The following INTS3 variants were observed in gnomAD, a reference collection of about 807,000 sequenced individuals.
The protein encoded by INTS3 is integrator complex subunit 3.
A neutral mutation model predicts 146.3 loss-of-function variants in INTS3; 34 were observed. The observed-to-expected ratio is 0.23, with a 90% CI of 0.18 to 0.31. INTS3 has a LOEUF of 0.31. INTS3 is among the 10% of genes least tolerant of loss of function. The pLI is 1.00. For missense variants in INTS3, 757 were observed against 1,304.2 expected (o/e 0.58, Z 6.46); for synonymous variants, 475 against 494.9 (o/e 0.96, Z 0.53).
At chr1:153,734,737 T>A (rs1283670913) in intron 1 of INTS3, among the ~76,000 whole-genome samples, 1 of 152,080 alleles carries the variant, frequency 6.6e-6, no homozygotes. Context: ...TTCAGGCCCC[T>A]CCCTCTCCCC....
chr1:153,763,138 T>C, intron 15 of INTS3, 95 bp from the exon 16 acceptor site: 2 of 1,492,786 alleles, frequency 1.3e-6, no homozygotes, highest in Non-Finnish European at 1.9e-6. Context: ...GGTGCACACT[T>C]AGGGCATGTG....
At chr1:153,736,479 C>T (rs1259771724) in intron 1 of INTS3, among the ~76,000 whole-genome samples, 1 of 149,884 alleles carries the variant, frequency 6.7e-6, no homozygotes, top group East Asian at 2.0e-4. Context: ...TGGAGTCTTG[C>T]TCTGTCACCC....
chr1:153,761,845 C>T (rs1163586674), intron 14 of INTS3, among the ~76,000 whole-genome samples, 169 bp downstream of exon 14: 1 of 152,186 alleles, frequency 6.6e-6, no homozygotes, highest in African/African-American at 2.4e-5. Flanking sequence ...TTTGTGTTGT[C>T]TGTCTTGATT....
chr1:153,773,043 C>T lies in INTS3; in HGVS notation c.3013C>T (p.Pro1005Ser), dbSNP rs1256010367. 1.9e-6 allele frequency: 3 copies of T among 1,614,180 alleles called. No individual in the cohort carries two copies. Among genetic ancestry groups the T allele is most frequent in the Non-Finnish European group, 2.5e-6 (3 of 1,180,034 alleles). The change falls in exon 29 of 30, where the codon CCC becomes TCC. Residue 1005 changes from proline (P) to serine (S), a missense_variant. Coordinates refer to ENST00000318967, the MANE Select transcript of INTS3 (RefSeq NM_023015.5). ...PRSRKNATQP[P>S]NAEEESGSSS... The stretch of plus-strand genomic sequence containing the variant: ...AAGTCGAAAGAATGCCACACAGCCC[C>T]CCAATGCCGAAGAAGAGTCGGGCTC...
Position 153,772,228 on chromosome 1 carries a change from C to T in INTS3, c.2721-112C>T. On this transcript the variant is annotated intron_variant, in intron 26 of 29. Coordinates refer to ENST00000318967, the MANE Select transcript of INTS3 (RefSeq NM_023015.5). The surrounding 1 kb of genome is among the most constrained non-coding windows in gnomAD (Gnocchi z 4.6). Reference sequence around the variant, plus strand: ...CCCCAGCCCTCCCAGGCTGCCTATCCTGTTCCCCATGTAGGCTGCCTCTGT... The same window carrying T: ...CCCCAGCCCTCCCAGGCTGCCTATCTTGTTCCCCATGTAGGCTGCCTCTGT... 7.9e-7 allele frequency: 1 copy of T among 1,263,674 alleles called. No homozygotes were observed. The allele number at this position is 1,263,674 out of a possible 1,614,324, so 78.3% of individuals were successfully genotyped here.
chr1:153,747,766 C>T (rs532841134), intron 5 of INTS3: 42 of 224,428 alleles, frequency 1.9e-4, no homozygotes, highest in Non-Finnish European at 2.8e-4. Flanking sequence ...ATTATCTGAA[C>T]GCTTGCTCCC....
chr1:153,763,481 G>C (rs1375296250), intron 16 of INTS3, 119 bp downstream of exon 16: 2 of 1,102,388 alleles, frequency 1.8e-6, no homozygotes, highest in Non-Finnish European at 2.7e-6. Context: ...TGTGTGGAGA[G>C]GTAGCTGAAG....
At position 153,740,726 on chromosome 1, in the gene INTS3, A is replaced by G; in HGVS notation, c.226A>G (p.Asn76Asp). 1 of 1,611,624 alleles carries G rather than the reference A, an allele frequency of 6.2e-7. No individual in the cohort carries two copies. The highest frequency in any genetic ancestry group is 8.5e-7 in the Non-Finnish European group (1 of 1,177,732). Residue 76 changes from asparagine (N) to aspartate (D), a missense_variant, in exon 2 of 30, where the codon AAT becomes GAT. Asn to Asp is a conservative substitution (Grantham distance 23, BLOSUM62 1). Transcript: ENST00000318967. ...VSEREANDAL[N>D]AYVCKGLPQH... ...GGAGAGAGAAGCCAATGATGCCCTC[A>G]ATGCGTATGTAAGTAGAATGCTGTC...
At chr1:153,770,573 A>C in intron 24 of INTS3, 112 bp from the exon 25 acceptor site, 3 of 919,884 alleles carry the variant, frequency 3.3e-6, no homozygotes, top group Non-Finnish European at 5.2e-6. Flanking sequence ...CTGGCTCCTC[A>C]TCAAAGACTG....
chr1:153,760,255 A>G (rs1432565068), intron 11 of INTS3, 56 bp from the exon 12 acceptor site: 9 of 1,079,952 alleles, frequency 8.3e-6, no homozygotes, highest in Admixed American at 7.1e-5. Context: ...AAAAAAAAAA[A>G]AAAGAGAGAG....
In INTS3 at chr1:153,767,749, C is replaced by T; in HGVS notation, c.2166C>T (p.Cys722=). The T allele has an allele frequency of 6.2e-7, 1 of 1,613,394 alleles. No homozygotes were observed. Among genetic ancestry groups the T allele is most frequent in the South Asian group, 1.1e-5 (1 of 91,050 alleles). Residue 722 remains cysteine, a synonymous_variant, in exon 21 of 30, where the codon TGC becomes TGT. Coordinates refer to ENST00000318967, the MANE Select transcript of INTS3 (RefSeq NM_023015.5). ...QATQLGDLHT[C]LMMDMKACQE... ...CCCAGCTGGGCGATCTGCACACCTGCCTGATGATGGACATGAAGGCCTGCC... is the reference window on the plus strand; with the variant it reads ...CCCAGCTGGGCGATCTGCACACCTGTCTGATGATGGACATGAAGGCCTGCC...
At chr1:153,728,837 T>C in intron 1 of INTS3, 53 bp downstream of exon 1, 1 of 391,884 alleles carries the variant, frequency 2.6e-6, no homozygotes, top group Non-Finnish European at 3.7e-6. Flanking sequence ...GGAGGGATAC[T>C]GGAGCGGATA....
intron 1 of INTS3, among the ~76,000 whole-genome samples, chr1:153,735,489 G>C (rs1671251525): frequency 6.6e-6 from 1 of 152,186 alleles, no homozygotes; most frequent in African/African-American, 2.4e-5. Context: ...GCTAGCTGCT[G>C]TTTGATTTTG....
rs372522734 is a variant in INTS3, at chr1:153,768,901, T to C, written c.2253T>C (p.Asp751=). 63 of 1,613,800 alleles carry C rather than the reference T, an allele frequency of 3.9e-5. No homozygotes were observed. The highest frequency in any genetic ancestry group is 5.3e-5 in the Non-Finnish European group (63 of 1,179,760). ...LTPSIYTEFP[D]ETLRSGELLN... is the part of the protein sequence containing the mutation. ...TCTCTTTTTCCATTTAGTTTCCAGA[T>C]GAAACCTTGAGGAGCGGAGAGCTGC... The change falls in exon 22 of 30, where the codon GAT becomes GAC. Residue 751 remains aspartate (D), a synonymous_variant. Coordinates refer to ENST00000318967, the MANE Select transcript of INTS3 (RefSeq NM_023015.5).
At chr1:153,745,501 T>C (rs773378721) in intron 3 of INTS3, among the ~76,000 whole-genome samples, 1 of 152,102 alleles carries the variant, frequency 6.6e-6, no homozygotes, top group Non-Finnish European at 1.5e-5. Context: ...CCATCCTTGC[T>C]ACTGGTCTTC....
Position 153,750,625 on chromosome 1 carries a change from G to T in INTS3, c.585-470G>T, listed in dbSNP as rs531379681. ...TCCAGGTCCTGAAAGGGTCTTGGCA[G>T]TCCCCACATGTTCTTGCACCACACT... On this transcript the variant is annotated intron_variant, in intron 6 of 29. Transcript: ENST00000318967. Among the ~76,000 whole-genome samples the T allele has an allele frequency of 2.0e-5, 3 of 152,286 alleles. No individual in the cohort carries two copies. In the South Asian group the frequency reaches 6.2e-4, roughly 32 times the overall value.
intron 1 of INTS3, among the ~76,000 whole-genome samples, chr1:153,729,214 T>G (rs905127687): frequency 4.6e-5 from 7 of 152,332 alleles, no homozygotes; most frequent in East Asian, 1.9e-4. Context: ...ACCCTCCTGT[T>G]AGATGCTATC....
Position 153,773,417 on chromosome 1 carries a change from G to T in INTS3, c.*147G>T. ...GGTGGAAGGAGGAGCTTTCTCCTCT[G>T]GCTGAGTTTGAGAAGCTGCCATGCA... On this transcript the variant is annotated 3_prime_UTR_variant, in exon 30 of 30. Coordinates refer to ENST00000318967, the MANE Select transcript of INTS3 (RefSeq NM_023015.5). The T allele has an allele frequency of 1.3e-6, 1 of 757,034 alleles. No individual in the cohort carries two copies. The highest frequency in any genetic ancestry group is 1.6e-5 in the South Asian group (1 of 61,320). 46.9% of individuals were successfully genotyped at this position (757,034 alleles called of 1,614,324 possible).
chr1:153,760,145 TC>T, intron 11 of INTS3, 165 bp from the exon 12 acceptor site: 1 of 597,508 alleles, frequency 1.7e-6, no homozygotes. Flanking sequence ...GGCATGAGAT[TC>T]GCTTGAACCT....
Sources: gnomAD v4.1 joint callset for allele counts (sites outside exome capture counted in the v4.1 genomes callset) on GRCh38, gnomAD v4.1.1 for gene constraint, Gnocchi (gnomAD v3.1) non-coding constraint, MANE v1.5 for transcripts, NCBI Gene and HGNC (gene_info 2026-07-23, HGNC 2026-07-21) for gene names.